The following CA10 variants were observed in gnomAD, a reference collection of about 807,000 sequenced individuals.
CA10 encodes the protein carbonic anhydrase-related protein 10.
In CA10, 14 loss-of-function variants were observed where a neutral mutation model predicts 44.2. That is an observed-to-expected ratio of 0.32 (90% CI 0.21 to 0.50). The LOEUF (loss-of-function observed/expected upper bound fraction) is 0.50. Among genes scored for constraint, CA10 ranks in the 20% least tolerant of loss-of-function variants. The probability of loss-of-function intolerance (pLI) is 0.99; values close to 1 mark genes in which losing one functional copy is unlikely to be tolerated. For missense variants in CA10, 350 were observed against 409.7 expected (o/e 0.85, Z 1.26); for synonymous variants, 159 against 141.6 (o/e 1.12, Z -0.87).
chr17:51,707,602 G>A (rs1263972), intron 4 of CA10, among the ~76,000 whole-genome samples: 60,956 of 151,272 alleles, frequency 0.4, 12,509 homozygotes, highest in Middle Eastern at 0.47. Flanking sequence ...TAAATTTATT[G>A]TATATGAATG....
chr17:51,836,392 G>A (rs1448784062), intron 3 of CA10, among the ~76,000 whole-genome samples: 7 of 152,218 alleles, frequency 4.6e-5, no homozygotes, highest in Admixed American at 2.6e-4. Flanking sequence ...CTTTGAGAAA[G>A]GTAGCAGGAC....
chr17:51,763,507 T>C (rs1044683931), intron 3 of CA10: 3 of 152,208 alleles, frequency 2.0e-5, no homozygotes, highest in African/African-American at 7.2e-5. Context: ...CTGTTTTCTA[T>C]ACACAGAAGA....
intron 2 of CA10, among the ~76,000 whole-genome samples, chr17:51,962,155 T>C (rs180679532): frequency 1.7e-4 from 26 of 152,336 alleles, no homozygotes; most frequent in Admixed American, 1.6e-3. Flanking sequence ...TGTGCAGAAA[T>C]TGTGGTGCAG....
At chr17:52,016,835 A>G (rs1280044351) in intron 2 of CA10, among the ~76,000 whole-genome samples, 1 of 151,882 alleles carries the variant, frequency 6.6e-6, no homozygotes, top group Non-Finnish European at 1.5e-5. Context: ...CTTGCTTGAA[A>G]CCAGTAGGTG....
chr17:52,154,056 T>A (rs1010417339), intron 1 of CA10, among the ~76,000 whole-genome samples: 1 of 152,232 alleles, frequency 6.6e-6, no homozygotes, highest in Non-Finnish European at 1.5e-5. Flanking sequence ...CAGGGTAATG[T>A]ACAACTCAAA....
chr17:51,663,770 T>C (rs918127123), intron 4 of CA10, among the ~76,000 whole-genome samples: 13 of 152,180 alleles, frequency 8.5e-5, no homozygotes, highest in Admixed American at 6.5e-4. Flanking sequence ...GGCCCTAGAA[T>C]GATGAAGTGA....
chr17:51,722,251 G>A (rs112334579), intron 4 of CA10, among the ~76,000 whole-genome samples: 2,162 of 151,942 alleles, frequency 0.014, 29 homozygotes, highest in Non-Finnish European at 0.022. Flanking sequence ...CTAATGCACC[G>A]AGAGTGACTA....
chr17:52,055,491 T>C (rs1987202754), intron 2 of CA10, among the ~76,000 whole-genome samples: 1 of 152,040 alleles, frequency 6.6e-6, no homozygotes, highest in African/African-American at 2.4e-5. Flanking sequence ...GAAAACAAGG[T>C]TAGAAAGCCA....
At chr17:52,039,934 A>G (rs1245379040) in intron 2 of CA10, among the ~76,000 whole-genome samples, 1 of 152,032 alleles carries the variant, frequency 6.6e-6, no homozygotes, top group Non-Finnish European at 1.5e-5. Flanking sequence ...GCAGATAAAC[A>G]GGAGGAAGAG....
At chr17:52,113,320 T>C (rs1370398080) in intron 1 of CA10, among the ~76,000 whole-genome samples, 2 of 152,224 alleles carry the variant, frequency 1.3e-5, no homozygotes, top group East Asian at 3.8e-4. Context: ...TAGATTACAC[T>C]TCTTTCTCTC....
At position 51,909,580 on chromosome 17, in the gene CA10, G is replaced by A. The variant is rs896894494; in HGVS notation, c.279+21410C>T. Among the ~76,000 whole-genome samples, 7 of 152,180 alleles carry A rather than the reference G, an allele frequency of 4.6e-5. 1 individual carries two copies. Among genetic ancestry groups the A allele is most frequent in the Middle Eastern group, 3.4e-3 (1 of 294 alleles). The stretch of plus-strand genomic sequence containing the variant: ...CAAAATTACAGTGTTGAGATGAAAC[G>A]GAACCTGTCAATTTCCAATCATCTA... On this transcript the variant is annotated intron_variant, in intron 3 of 8. Coordinates refer to ENST00000451037, the MANE Select transcript of CA10 (RefSeq NM_020178.5).
intron 3 of CA10, among the ~76,000 whole-genome samples, chr17:51,840,316 C>A (rs973020329): frequency 1.3e-5 from 2 of 152,142 alleles, no homozygotes; most frequent in African/African-American, 4.8e-5. Flanking sequence ...GAGTTTGTTG[C>A]CTTTCTGGGC....
intron 2 of CA10, among the ~76,000 whole-genome samples, chr17:52,063,197 T>C (rs1422240413): frequency 6.6e-6 from 1 of 152,256 alleles, no homozygotes; most frequent in Non-Finnish European, 1.5e-5. Flanking sequence ...GTTTACCTAA[T>C]GCCTATACAA....
intron 3 of CA10, among the ~76,000 whole-genome samples, chr17:51,832,026 T>C (rs1002804701): frequency 6.6e-5 from 10 of 152,290 alleles, no homozygotes; most frequent in South Asian, 2.1e-4. Flanking sequence ...TCCTAGAAGA[T>C]TCCCATTCCT....
At chr17:51,717,829 G>GTGTGTATATA (rs1337266806) in intron 4 of CA10, among the ~76,000 whole-genome samples, 1 of 7,920 alleles carries the variant, frequency 1.3e-4, no homozygotes, top group African/African-American at 3.4e-4. Context: ...ATATGTGTGT[G>GTGTGTATATA]TATATATATA....
At chr17:52,141,331 G>T (rs1345435088) in intron 1 of CA10, among the ~76,000 whole-genome samples, 1 of 152,140 alleles carries the variant, frequency 6.6e-6, no homozygotes, top group Non-Finnish European at 1.5e-5. Flanking sequence ...AATGGCCAAG[G>T]TATCCACAAA....
chr17:51,695,638 T>C (rs1281557459), intron 4 of CA10, among the ~76,000 whole-genome samples: 1 of 152,198 alleles, frequency 6.6e-6, no homozygotes, highest in Non-Finnish European at 1.5e-5. Context: ...CTTCTTTTCC[T>C]ATTTGGATGC....
At chr17:52,123,020 A>T (rs144630015) in intron 1 of CA10, among the ~76,000 whole-genome samples, 1,643 of 152,264 alleles carry the variant, frequency 0.011, 18 homozygotes, top group Non-Finnish European at 0.017. Flanking sequence ...TAATAGGCCA[A>T]GATATCTGAA....
rs902496326 is a variant in CA10, at chr17:52,039,273, A to G, written c.136+33046T>C. Among the ~76,000 whole-genome samples the G allele has an allele frequency of 2.0e-5, 3 of 151,654 alleles. No individual in the cohort carries two copies. In the East Asian group the frequency reaches 6.4e-4, roughly 32 times the overall value. On this transcript the variant is annotated intron_variant, in intron 2 of 8. Transcript: ENST00000451037. ...AGTAACTTTTTCCTCTAAATATTAGATTAAGTTCCTATTCTCACTGTTGAC... is the reference window on the plus strand; with the variant it reads ...AGTAACTTTTTCCTCTAAATATTAGGTTAAGTTCCTATTCTCACTGTTGAC...
Sources: allele counts gnomAD v4.1 joint callset (sites outside exome capture counted in the v4.1 genomes callset), GRCh38; gene constraint gnomAD v4.1.1; transcripts MANE v1.5; gene names NCBI Gene and HGNC (gene_info 2026-07-23, HGNC 2026-07-21).